Variants in TELO2 observed in about 807,000 individuals in gnomAD.
The protein encoded by TELO2 is telomere maintenance 2, also known as telomere length regulation protein TEL2 homolog.
Under a neutral mutation model 91.0 loss-of-function variants are expected in TELO2, and 71 were observed. The ratio of observed to expected loss-of-function variants is 0.78; its 90% CI spans 0.64 to 0.95. The LOEUF is 0.95. Ranked by LOEUF, TELO2 falls within the 40% of genes least tolerant of loss-of-function variation. The pLI is 0.00. For missense variants in TELO2, 1,183 were observed against 1,141.3 expected, an observed-to-expected ratio of 1.04 and a Z score of -0.53; for synonymous variants, 584 against 518.9, an observed-to-expected ratio of 1.13 and a Z score of -1.71.
At chr16:1,496,926 G>T in intron 3 of TELO2, 110 bp from the exon 4 acceptor site, 2 of 1,094,100 alleles carry the variant, frequency 1.8e-6, no homozygotes, top group Non-Finnish European at 2.7e-6. Flanking sequence ...TTTTGAGTGA[G>T]TTTTGCTGTC....
rs1475824663 is a variant in TELO2 at position 1,505,484 on chromosome 16, T to G, written c.1917T>G (p.Ser639Arg). 4 of 1,613,086 alleles carry G rather than the reference T, an allele frequency of 2.5e-6. No individual in the cohort carries two copies. The highest frequency in any genetic ancestry group is 3.4e-6 in the Non-Finnish European group (4 of 1,179,976). ...LGRTPQPGSP[S>R]PNTPCLPEAA... ...GGACTCCCCAACCTGGCTCCCCAAG[T>G]CCCAACACCCCGTGCCTGCCAGAGG... is the stretch of plus-strand genomic sequence containing the variant. The change falls in exon 16 of 21, where the codon AGT (serine) becomes AGG (arginine). Residue 639 changes from serine to arginine, a missense_variant. By Grantham distance (110) the Ser-to-Arg change is moderately radical. Coordinates refer to ENST00000262319, the MANE Select transcript of TELO2 (RefSeq NM_016111.4). This position sits in a 1 kb window ranked among gnomAD's most constrained non-coding sequence, Gnocchi z 4.3.
rs572070839 is a variant in TELO2, at chr16:1,497,766, C to T, written c.830+258C>T. Among the ~76,000 whole-genome samples the T allele has an allele frequency of 1.8e-4, 27 of 152,336 alleles. No homozygotes were observed. The highest frequency in any genetic ancestry group is 5.5e-4 in the African/African-American group (23 of 41,578). On this transcript the variant is annotated intron_variant, in intron 5 of 20. Coordinates refer to ENST00000262319, the MANE Select transcript of TELO2 (RefSeq NM_016111.4). This position sits in a 1 kb window ranked among gnomAD's most constrained non-coding sequence, Gnocchi z 4.0. Reference sequence around the variant, plus strand: ...CCGTAAAGGCGCCTGTACCTTGGGCCGTCCACCCGTCCTGCGCCTGTGGTC... The same window carrying T: ...CCGTAAAGGCGCCTGTACCTTGGGCTGTCCACCCGTCCTGCGCCTGTGGTC...
chr16:1,509,737 C>A, intron 20 of TELO2, 93 bp from the exon 21 acceptor site: 1 of 1,203,564 alleles, frequency 8.3e-7, no homozygotes, highest in Non-Finnish European at 1.2e-6. Flanking sequence ...GGAGTCAGGC[C>A]TGGCGGGGCT....
In TELO2 at chr16:1,510,405, C is replaced by A; in HGVS notation, c.*469C>A. Reference sequence around the variant, plus strand: ...GTGGCTCCTGGATGGGCTCGTGGGGCGGGATGGGACAGGGCACGGGCTCTC... The same window carrying A: ...GTGGCTCCTGGATGGGCTCGTGGGGAGGGATGGGACAGGGCACGGGCTCTC... On this transcript the variant is annotated 3_prime_UTR_variant, in exon 21 of 21. Transcript: ENST00000262319. 4.6e-6 allele frequency: 1 copy of A among 215,610 alleles called. No individual in the cohort carries two copies. Among genetic ancestry groups the A allele is most frequent in the Non-Finnish European group, 9.4e-6 (1 of 106,578 alleles). 13.4% of individuals were successfully genotyped at this position (215,610 alleles called of 1,614,324 possible).
intron 8 of TELO2, 34 bp downstream of exon 8, chr16:1,500,522 G>A: frequency 6.2e-7 from 1 of 1,609,430 alleles, no homozygotes; most frequent in Non-Finnish European, 8.5e-7. Context: ...CCCGGCCTCG[G>A]GCGCCCCGAG....
At chr16:1,507,136 G>C in intron 18 of TELO2, 85 bp downstream of exon 18, 4 of 1,507,300 alleles carry the variant, frequency 2.7e-6, no homozygotes, top group Non-Finnish European at 3.6e-6. Context: ...CCCAGGGATG[G>C]GTGTCTGAGG....
At chr16:1,504,567 T>A (rs2141058097) in intron 15 of TELO2, among the ~76,000 whole-genome samples, 1 of 121,782 alleles carries the variant, frequency 8.2e-6, no homozygotes, top group South Asian at 3.1e-4. Context: ...TTTTTTTTTT[T>A]TTTTTTTTGA....
rs745984947 is a variant in TELO2 at position 1,502,650 on chromosome 16, C to T, written c.1659C>T (p.Ser553=). ...GCCCTAACCCCTGCGTGCAGGTGAG[C>T]GTGGAGCTGGCCAAGGTGCTTCTGC... ...YRSPTATREV[S]VELAKVLLHL... Residue 553 remains serine (S), a synonymous_variant, in exon 14 of 21, where the codon AGC becomes AGT. Transcript: ENST00000262319. 8 of 1,611,136 alleles carry T rather than the reference C, an allele frequency of 5.0e-6. No individual in the cohort carries two copies. Among genetic ancestry groups the T allele is most frequent in the African/African-American group, 2.7e-5 (2 of 74,908 alleles).
chr16:1,505,750 C>G lies in TELO2; in HGVS notation c.2034+149C>G. The G allele has an allele frequency of 7.1e-6, 8 of 1,122,154 alleles. No homozygotes were observed. The highest frequency in any genetic ancestry group is 1.6e-5 in the South Asian group (1 of 63,850). The allele number at this position is 1,122,154 out of a possible 1,614,324, so 69.5% of individuals were successfully genotyped here. Reference sequence around the variant, plus strand: ...TGCCGGGATTCCTGAAAGGCAGGGTCCATGGTTTGCACCGAGGAACTGGAT... The same window carrying G: ...TGCCGGGATTCCTGAAAGGCAGGGTGCATGGTTTGCACCGAGGAACTGGAT... On this transcript the variant is annotated intron_variant, in intron 16 of 20. Transcript: ENST00000262319. The surrounding 1 kb of genome is among the most constrained non-coding windows in gnomAD (Gnocchi z 4.3).
chr16:1,499,778 C>T (rs1183329483), intron 6 of TELO2, among the ~76,000 whole-genome samples: 1 of 152,262 alleles, frequency 6.6e-6, no homozygotes, highest in Non-Finnish European at 1.5e-5. Context: ...CTTCACCCTC[C>T]TCCTTTGCTC....
At chr16:1,508,004 G>A (rs1255764029) in intron 20 of TELO2, among the ~76,000 whole-genome samples, 5 of 145,386 alleles carry the variant, frequency 3.4e-5, no homozygotes, top group Non-Finnish European at 4.5e-5. Flanking sequence ...TGTGCAGGCC[G>A]GAGGTGCAGC....
rs779850213 is a variant in TELO2, at chr16:1,494,971, C to A, written c.335+355C>A. On this transcript the variant is annotated intron_variant, in intron 2 of 20. Coordinates refer to ENST00000262319, the MANE Select transcript of TELO2 (RefSeq NM_016111.4). This position sits in a 1 kb window ranked among gnomAD's most constrained non-coding sequence, Gnocchi z 5.6. Reference sequence around the variant, plus strand: ...ACACGTGTCCCATGTGGACTCCCAGCCCCAGCCGGCTCCCAGGCTCAGCCT... The same window carrying A: ...ACACGTGTCCCATGTGGACTCCCAGACCCAGCCGGCTCCCAGGCTCAGCCT... 6.6e-6 allele frequency among the ~76,000 whole-genome samples: 1 copy of A among 152,228 alleles called. No individual in the cohort carries two copies. The highest frequency in any genetic ancestry group is 1.5e-5 in the Non-Finnish European group (1 of 68,038).
At chr16:1,495,773 G>A in intron 3 of TELO2, 150 bp downstream of exon 3, 4 of 1,169,912 alleles carry the variant, frequency 3.4e-6, no homozygotes, top group Non-Finnish European at 3.5e-6. Context: ...CCGCACAGTA[G>A]TGACCGGCAG....
intron 3 of TELO2, among the ~76,000 whole-genome samples, chr16:1,496,234 A>AACTC (rs1164002579): frequency 6.6e-6 from 1 of 152,098 alleles, no homozygotes; most frequent in African/African-American, 2.4e-5. Context: ...CTCGTTCTGA[A>AACTC]ACTCCCTCCC....
At chr16:1,502,482 G>A in intron 13 of TELO2, 78 bp downstream of exon 13, 3 of 1,524,610 alleles carry the variant, frequency 2.0e-6, no homozygotes, top group Non-Finnish European at 2.7e-6. Context: ...GGCCACTGAG[G>A]GTGACATATG....
Position 1,502,780 on chromosome 16 carries a change from G to A in TELO2, c.1770+19G>A. On this transcript the variant is annotated intron_variant, in intron 14 of 20. Transcript: ENST00000262319. ...GGCCCCGGTGAGTTCCCGCACCCGT[G>A]GCCCTGGCCAGTGCAGGCACAGCGG... 1 of 1,609,704 alleles carries A rather than the reference G, an allele frequency of 6.2e-7. No homozygotes were observed. Among genetic ancestry groups the A allele is most frequent in the Non-Finnish European group, 8.5e-7 (1 of 1,179,392 alleles).
intron 3 of TELO2, 65 bp from the exon 4 acceptor site, chr16:1,496,971 C>G (rs1424598458): frequency 1.4e-5 from 21 of 1,533,134 alleles, no homozygotes; most frequent in Non-Finnish European, 1.9e-5. Flanking sequence ...CAGCTCTCCC[C>G]ACACCTAGAT....
intron 3 of TELO2, among the ~76,000 whole-genome samples, chr16:1,496,154 C>T (rs1429694758): frequency 6.6e-6 from 1 of 152,236 alleles, no homozygotes; most frequent in Non-Finnish European, 1.5e-5. Flanking sequence ...CTTTCCCGAG[C>T]TCCAGGCGAC....
In TELO2 at chr16:1,502,080, G is replaced by A; in HGVS notation, c.1506G>A (p.Gly502=). 6.2e-7 allele frequency: 1 copy of A among 1,613,168 alleles called. No individual in the cohort carries two copies. Among genetic ancestry groups the A allele is most frequent in the Non-Finnish European group, 8.5e-7 (1 of 1,179,918 alleles). ...DDEFVPYDMS[G]DRELKSSKAP... is the part of the protein sequence containing the mutation. Reference sequence around the variant, plus strand: ...AGTTTGTCCCCTACGACATGTCGGGGGACAGAGAGCTGAAGAGCAGCAAGG... The same window carrying A: ...AGTTTGTCCCCTACGACATGTCGGGAGACAGAGAGCTGAAGAGCAGCAAGG... The change falls in exon 12 of 21, where the codon GGG becomes GGA. Residue 502 remains glycine (G), a synonymous_variant. Coordinates refer to ENST00000262319, the MANE Select transcript of TELO2 (RefSeq NM_016111.4).
Sources: allele counts gnomAD v4.1 joint callset (sites outside exome capture counted in the v4.1 genomes callset), GRCh38; gene constraint gnomAD v4.1.1; non-coding constraint Gnocchi (gnomAD v3.1); transcripts MANE v1.5; gene names NCBI Gene and HGNC (gene_info 2026-07-23, HGNC 2026-07-21).